The following GRIA2 variants were observed in gnomAD, a reference collection of about 807,000 sequenced individuals.
The protein encoded by GRIA2 is glutamate receptor 2.
In GRIA2, 14 loss-of-function variants were observed where a neutral mutation model predicts 97.3. The observed-to-expected ratio is 0.14, with a 90% CI of 0.10 to 0.23. The LOEUF (loss-of-function observed/expected upper bound fraction) is 0.23. GRIA2 is among the 10% of genes least tolerant of loss of function. The probability of loss-of-function intolerance (pLI) is 1.00; values close to 1 mark genes in which losing one functional copy is unlikely to be tolerated. For synonymous variants in GRIA2, 412 were observed against 387.8 expected (o/e 1.06, Z -0.73); for missense variants, 558 against 1,069.8 (o/e 0.52, Z 6.67).
At chr4:157,349,142 A>C (rs1237614947) in intron 12 of GRIA2, among the ~76,000 whole-genome samples, 1 of 152,216 alleles carries the variant, frequency 6.6e-6, no homozygotes, top group East Asian at 1.9e-4. Flanking sequence ...ATACAGATAC[A>C]CTTTCCATCT....
intron 2 of GRIA2, among the ~76,000 whole-genome samples, chr4:157,270,410 G>C (rs546781035): frequency 6.6e-6 from 1 of 152,188 alleles, no homozygotes; most frequent in South Asian, 2.1e-4. Flanking sequence ...TCAATTTGTG[G>C]TAGAAATTGT....
chr4:157,260,480 A>T (rs1731480891), intron 2 of GRIA2, among the ~76,000 whole-genome samples: 1 of 152,094 alleles, frequency 6.6e-6, no homozygotes, highest in Admixed American at 6.6e-5. Context: ...ATGGTGACTT[A>T]GCACCAAGTC....
intron 10 of GRIA2, 94 bp from the exon 11 acceptor site, chr4:157,336,283 T>G: frequency 9.9e-7 from 1 of 1,007,038 alleles, no homozygotes. Flanking sequence ...ATTTTTCTGA[T>G]TTCCTCTCCT....
intron 2 of GRIA2, among the ~76,000 whole-genome samples, chr4:157,231,113 C>T (rs1286904414): frequency 6.6e-6 from 1 of 151,982 alleles, no homozygotes; most frequent in South Asian, 2.1e-4. Context: ...AGTCTCGGCC[C>T]ACTGCAACCT....
intron 6 of GRIA2, among the ~76,000 whole-genome samples, chr4:157,325,130 A>G (rs1734748391): frequency 1.3e-5 from 2 of 152,210 alleles, no homozygotes; most frequent in Non-Finnish European, 2.9e-5. Flanking sequence ...CGTGGGAGTA[A>G]TAAATAAATG....
chr4:157,280,183 A>T (rs1223983722), intron 2 of GRIA2, among the ~76,000 whole-genome samples: 2 of 152,134 alleles, frequency 1.3e-5, no homozygotes, highest in African/African-American at 4.8e-5. Flanking sequence ...TTGTCTTGTC[A>T]TTTGGCTAAA....
intron 2 of GRIA2, among the ~76,000 whole-genome samples, chr4:157,258,475 C>T (rs537893851): frequency 1.3e-3 from 200 of 152,150 alleles, no homozygotes; most frequent in African/African-American, 4.6e-3. Context: ...TTTGGTCAGA[C>T]CGGTTGTCTG....
chr4:157,283,952 A>G (rs1335476733), intron 2 of GRIA2, among the ~76,000 whole-genome samples: 2 of 151,964 alleles, frequency 1.3e-5, no homozygotes, highest in Non-Finnish European at 2.9e-5. Context: ...TTTTGAGATT[A>G]ATATCCAGGC....
intron 12 of GRIA2, among the ~76,000 whole-genome samples, chr4:157,344,449 GT>G (rs1317599404): frequency 6.6e-6 from 1 of 152,068 alleles, no homozygotes; most frequent in Non-Finnish European, 1.5e-5. Flanking sequence ...CCAGGAAAGG[GT>G]TATGGGTGAA....
At chr4:157,293,044 T>G (rs1431942355) in intron 2 of GRIA2, among the ~76,000 whole-genome samples, 1 of 152,086 alleles carries the variant, frequency 6.6e-6, no homozygotes, top group African/African-American at 2.4e-5. Flanking sequence ...TAGTAAAAAC[T>G]GAAACAATGA....
intron 5 of GRIA2, among the ~76,000 whole-genome samples, chr4:157,320,356 ATAAAT>A (rs1734505653): frequency 6.6e-6 from 1 of 152,134 alleles, no homozygotes; most frequent in Non-Finnish European, 1.5e-5. Flanking sequence ...TCAAAAATTG[ATAAAT>A]TAAGAAAGAG....
At chr4:157,360,185 T>G (rs192098110) in intron 13 of GRIA2, 42 bp downstream of exon 13, 1 of 1,587,814 alleles carries the variant, frequency 6.3e-7, no homozygotes, top group African/African-American at 1.3e-5. Flanking sequence ...GTTGTTATAG[T>G]ATCCCACCTA....
chr4:157,285,393 A>G (rs1361014285), intron 2 of GRIA2, among the ~76,000 whole-genome samples: 1 of 151,560 alleles, frequency 6.6e-6, no homozygotes, highest in Non-Finnish European at 1.5e-5. Context: ...TTTTATAAAA[A>G]CTTTTAAAGT....
intron 3 of GRIA2, among the ~76,000 whole-genome samples, chr4:157,304,521 C>G (rs1329917020): frequency 1.3e-5 from 2 of 152,134 alleles, no homozygotes; most frequent in East Asian, 1.9e-4. Flanking sequence ...TAACCATTCC[C>G]AGGTCCGTAA....
chr4:157,238,832 G>C (rs947096143), intron 2 of GRIA2, among the ~76,000 whole-genome samples: 3 of 152,022 alleles, frequency 2.0e-5, no homozygotes, highest in Non-Finnish European at 4.4e-5. Context: ...GAAAAGTCTA[G>C]TCTTTCATAC....
intron 2 of GRIA2, among the ~76,000 whole-genome samples, chr4:157,258,964 CT>C (rs923901346): frequency 1.2e-4 from 19 of 152,214 alleles, no homozygotes; most frequent in African/African-American, 4.6e-4. Flanking sequence ...TGCCTATAAT[CT>C]CAGCACTTTG....
At chr4:157,241,745 C>T (rs1051733997) in intron 2 of GRIA2, among the ~76,000 whole-genome samples, 1 of 151,978 alleles carries the variant, frequency 6.6e-6, no homozygotes, top group African/African-American at 2.4e-5. Context: ...TTGCTTTATC[C>T]CCTCTTCCTC....
chr4:157,333,595 G>A (rs997342412), intron 8 of GRIA2, among the ~76,000 whole-genome samples: 2 of 151,944 alleles, frequency 1.3e-5, no homozygotes, highest in Admixed American at 1.3e-4. Flanking sequence ...TTAGACTGAA[G>A]GGGAAGTCTT....
intron 2 of GRIA2, among the ~76,000 whole-genome samples, chr4:157,300,281 A>G (rs933920241): frequency 3.3e-5 from 5 of 152,182 alleles, no homozygotes; most frequent in Non-Finnish European, 7.3e-5. Flanking sequence ...TATGCTGCCT[A>G]TGCTAAATTG....
Sources: allele counts gnomAD v4.1 joint callset (sites outside exome capture counted in the v4.1 genomes callset), GRCh38; gene constraint gnomAD v4.1.1; transcripts MANE v1.5; gene names NCBI Gene and HGNC (gene_info 2026-07-23, HGNC 2026-07-21).